The following MCC variants were observed in gnomAD, a reference collection of about 807,000 sequenced individuals.
MCC encodes the protein colorectal mutant cancer protein.
In MCC, 90 loss-of-function variants were observed where a neutral mutation model predicts 116.2. The observed-to-expected ratio is 0.77, with a 90% CI of 0.65 to 0.92. The LOEUF is 0.92. Ranked by LOEUF, MCC falls within the 40% of genes least tolerant of loss-of-function variation. The probability of loss-of-function intolerance (pLI) is 0.00; values close to 1 mark genes in which losing one functional copy is unlikely to be tolerated. For missense variants in MCC, 1,516 were observed against 1,312.2 expected (o/e 1.16, Z -2.40); for synonymous variants, 578 against 510.5 (o/e 1.13, Z -1.78).
chr5:113,438,879 G>A (rs761524205), intron 1 of MCC, among the ~76,000 whole-genome samples: 17 of 152,084 alleles, frequency 1.1e-4, no homozygotes, highest in Non-Finnish European at 1.9e-4. Context: ...TTAAAGTACT[G>A]ATTTTGCAGT....
rs569072780 is a variant in MCC, at chr5:113,340,621, G to T, written c.525C>A (p.Gly175=). 6.2e-7 allele frequency: 1 copy of T among 1,614,144 alleles called. No homozygotes were observed. Among genetic ancestry groups the T allele is most frequent in the Admixed American group, 1.7e-5 (1 of 60,006 alleles). ...QSALQKLLEY[G]GSSLHQQAAL... ...CAGCCTGCTGATGCAAAGAGCTTCC[G>T]CCATACTCGAGCAGCTTCTGGAGGG... Residue 175 remains glycine (G), a synonymous_variant, in exon 3 of 19, where the codon GGC becomes GGA. Coordinates refer to ENST00000408903, the MANE Select transcript of MCC (RefSeq NM_001085377.2).
chr5:113,175,845 T>C (rs920275470), intron 3 of MCC, among the ~76,000 whole-genome samples: 8 of 152,002 alleles, frequency 5.3e-5, no homozygotes, highest in African/African-American at 1.7e-4. Flanking sequence ...GATCCATAAA[T>C]GAGTCTGGAG....
chr5:113,185,106 C>T (rs530328200), intron 3 of MCC, among the ~76,000 whole-genome samples: 3 of 152,088 alleles, frequency 2.0e-5, no homozygotes, highest in Non-Finnish European at 2.9e-5. Context: ...AGCCTCTGCA[C>T]GATGGTTCAA....
intron 3 of MCC, among the ~76,000 whole-genome samples, chr5:113,244,853 T>C (rs1041801033): frequency 2.0e-5 from 3 of 152,240 alleles, no homozygotes; most frequent in African/African-American, 4.8e-5. Flanking sequence ...TACCCAAATA[T>C]ATATAAAATG....
intron 2 of MCC, among the ~76,000 whole-genome samples, chr5:113,359,464 A>G (rs1768494083): frequency 6.6e-6 from 1 of 152,194 alleles, no homozygotes; most frequent in Non-Finnish European, 1.5e-5. Context: ...TAACCCAAGG[A>G]GCAGCTGCAA....
Position 113,320,964 on chromosome 5 carries a change from T to G in MCC, c.627+19555A>C, listed in dbSNP as rs545199499. On this transcript the variant is annotated intron_variant, in intron 3 of 18. Transcript: ENST00000408903. ...AATAGCATAGCCTACACTTTCTTAGTTGACACAATTGTTTGTTCTAATTTT... is the reference window on the plus strand; with the variant it reads ...AATAGCATAGCCTACACTTTCTTAGGTGACACAATTGTTTGTTCTAATTTT... Among the ~76,000 whole-genome samples the G allele has an allele frequency of 4.6e-5, 7 of 152,360 alleles. No homozygotes were observed. The South Asian group carries it at 1.4e-3, about 32-fold the overall frequency.
intron 3 of MCC, among the ~76,000 whole-genome samples, chr5:113,205,287 G>A (rs1044767354): frequency 1.3e-5 from 2 of 152,206 alleles, no homozygotes; most frequent in African/African-American, 4.8e-5. Flanking sequence ...TAAAGGCCTA[G>A]AGGCAAGGAG....
chr5:113,068,816 C>G (rs1398332547), intron 12 of MCC, among the ~76,000 whole-genome samples: 1 of 152,240 alleles, frequency 6.6e-6, no homozygotes, highest in Non-Finnish European at 1.5e-5. Context: ...CAATCCCCCA[C>G]TGAGGTCTCA....
chr5:113,118,653 G>A (rs1757533076), intron 6 of MCC, among the ~76,000 whole-genome samples: 1 of 152,232 alleles, frequency 6.6e-6, no homozygotes, highest in South Asian at 2.1e-4. Context: ...TGCTAATGCA[G>A]GTTTGCAAAT....
intron 6 of MCC, among the ~76,000 whole-genome samples, chr5:113,115,062 C>T (rs1330272622): frequency 2.0e-5 from 3 of 152,174 alleles, no homozygotes; most frequent in African/African-American, 7.2e-5. Flanking sequence ...AGCACTGTAA[C>T]ACATGCCCTC....
intron 8 of MCC, among the ~76,000 whole-genome samples, chr5:113,092,617 TG>T (rs1755717419): frequency 6.6e-6 from 1 of 152,180 alleles, no homozygotes; most frequent in Non-Finnish European, 1.5e-5. Context: ...AGATCTTTGC[TG>T]AAAGAATTTC....
At chr5:113,448,412 T>C (rs1329550839) in intron 1 of MCC, 1 of 151,970 alleles carries the variant, frequency 6.6e-6, no homozygotes, top group Non-Finnish European at 1.5e-5. Context: ...GTAAACACTT[T>C]GTTTAAATAT....
intron 3 of MCC, among the ~76,000 whole-genome samples, chr5:113,158,722 A>G (rs779965476): frequency 2.0e-5 from 3 of 152,248 alleles, no homozygotes; most frequent in Non-Finnish European, 4.4e-5. Flanking sequence ...GCCGAAGTGA[A>G]GAAAACTAAT....
intron 3 of MCC, among the ~76,000 whole-genome samples, chr5:113,280,033 C>T (rs1765979748): frequency 1.3e-5 from 2 of 152,208 alleles, no homozygotes; most frequent in Admixed American, 1.3e-4. Context: ...GGAGCTACTC[C>T]CATCATCCCA....
At chr5:113,263,873 G>T (rs538257694) in intron 3 of MCC, among the ~76,000 whole-genome samples, 204 of 149,130 alleles carry the variant, frequency 1.4e-3, no homozygotes, top group African/African-American at 4.8e-3. Flanking sequence ...TAACTGAAGG[G>T]AATAAAAAAG....
At chr5:113,285,763 ACTGT>A (rs1474935232) in intron 3 of MCC, among the ~76,000 whole-genome samples, 1 of 152,172 alleles carries the variant, frequency 6.6e-6, no homozygotes, top group Non-Finnish European at 1.5e-5. Context: ...ACATTTGTGT[ACTGT>A]CTATGTATCT....
In MCC at chr5:113,482,350, T is replaced by C. The variant is rs77130561; in HGVS notation, c.170+5895A>G. Among the ~76,000 whole-genome samples, 21 of 152,346 alleles carry C rather than the reference T, an allele frequency of 1.4e-4. No individual in the cohort carries two copies. The East Asian group carries it at 3.9e-3, about 28-fold the overall frequency. ...GGAATTGCTAGACTGTTTTCCAAAGTAGCTGCATCATTTCACATTGCTATC... is the reference window on the plus strand; with the variant it reads ...GGAATTGCTAGACTGTTTTCCAAAGCAGCTGCATCATTTCACATTGCTATC... On this transcript the variant is annotated intron_variant, in intron 1 of 18. Coordinates refer to ENST00000408903, the MANE Select transcript of MCC (RefSeq NM_001085377.2).
chr5:113,220,924 C>T lies in MCC; in HGVS notation c.628-69502G>A, dbSNP rs537919544. 1.4e-4 allele frequency among the ~76,000 whole-genome samples: 22 copies of T among 152,252 alleles called. No individual in the cohort carries two copies. In the South Asian group the frequency reaches 1.5e-3, roughly 10 times the overall value. On this transcript the variant is annotated intron_variant, in intron 3 of 18. Transcript: ENST00000408903. ...ACTAAAAGAAAAGAAGCAGTGAGGC[C>T]GGGCATGGTGGCTCATGCCTATAAT... is the stretch of plus-strand genomic sequence containing the variant.
At chr5:113,373,874 T>A (rs982791720) in intron 2 of MCC, among the ~76,000 whole-genome samples, 1 of 152,044 alleles carries the variant, frequency 6.6e-6, no homozygotes, top group Admixed American at 6.6e-5. Context: ...TCCCTATACA[T>A]GCTAAGTTGA....
Sources: gnomAD v4.1 joint callset for allele counts (sites outside exome capture counted in the v4.1 genomes callset) on GRCh38, gnomAD v4.1.1 for gene constraint, MANE v1.5 for transcripts, NCBI Gene and HGNC (gene_info 2026-07-23, HGNC 2026-07-21) for gene names.